The following ALMS1 variants were observed in gnomAD, a reference collection of about 807,000 sequenced individuals.
The protein encoded by ALMS1 is ALMS1 centrosome and basal body associated protein, also known as centrosome-associated protein ALMS1.
In ALMS1, 271 loss-of-function variants were observed where a neutral mutation model predicts 352.2. The observed-to-expected ratio is 0.77, with a 90% confidence interval of 0.70 to 0.85. ALMS1 has a LOEUF of 0.85. ALMS1 is among the 40% of genes least tolerant of loss of function. ALMS1 has a pLI of 0.00. For synonymous variants in ALMS1, 1,865 were observed against 1,761.2 expected (o/e 1.06, Z -1.48); for missense variants, 5,445 against 4,870.7 (o/e 1.12, Z -3.51).
intron 16 of ALMS1, among the ~76,000 whole-genome samples, chr2:73,583,973 T>C (rs1177808409): frequency 3.3e-5 from 5 of 152,192 alleles, no homozygotes; most frequent in Admixed American, 6.6e-5. Flanking sequence ...GGATTTCTTA[T>C]CATTTTTAAT....
Position 73,408,643 on chromosome 2 carries a change from G to T in ALMS1, c.346G>T (p.Val116Leu), listed in dbSNP as rs752342634. The change falls in exon 2 of 23, where the codon GTA becomes TTA. Residue 116 changes from valine to leucine, a missense_variant. Val to Leu is a conservative substitution (Grantham distance 32, BLOSUM62 1). Coordinates refer to ENST00000613296, the MANE Select transcript of ALMS1 (RefSeq NM_001378454.1). ...TCAGATTGTTCCATTGACCTGTCAT[G>T]TATGGCAACAGATAGTATATCAAGG... ...LEKIVPLTCHVWQQIVYQGNS... is the reference protein window; with the variant it reads ...LEKIVPLTCHLWQQIVYQGNS... The T allele has an allele frequency of 6.2e-7, 1 of 1,613,296 alleles. No individual in the cohort carries two copies. Among genetic ancestry groups the T allele is most frequent in the South Asian group, 1.1e-5 (1 of 91,074 alleles).
intron 16 of ALMS1, among the ~76,000 whole-genome samples, chr2:73,593,858 A>G (rs1208727926): frequency 1.3e-5 from 2 of 152,196 alleles, no homozygotes; most frequent in Non-Finnish European, 2.9e-5. Flanking sequence ...TTCGTGACTG[A>G]CTTCATTCAC....
rs748198673 is a variant in ALMS1, at chr2:73,422,165, T to C, written c.647-692T>C. Among the ~76,000 whole-genome samples the C allele has an allele frequency of 1.1e-3, 170 of 152,248 alleles. 1 individual carries two copies. Among genetic ancestry groups the C allele is most frequent in the Non-Finnish European group, 1.1e-3 (77 of 67,974 alleles). ...AAAAATAACTTTTCCAATACAAAAATGTTTAGAAGTATGGCCATGTTTTAC... is the reference window on the plus strand; with the variant it reads ...AAAAATAACTTTTCCAATACAAAAACGTTTAGAAGTATGGCCATGTTTTAC... On this transcript the variant is annotated intron_variant, in intron 3 of 22. Coordinates refer to ENST00000613296, the MANE Select transcript of ALMS1 (RefSeq NM_001378454.1).
chr2:73,431,540 A>G (rs778312397), intron 6 of ALMS1, among the ~76,000 whole-genome samples: 8 of 152,162 alleles, frequency 5.3e-5, no homozygotes, highest in Non-Finnish European at 8.8e-5. Flanking sequence ...ATTGGTTTCT[A>G]ATTTCTTTTC....
chr2:73,534,751 A>G, intron 11 of ALMS1, 73 bp from the exon 12 acceptor site: 1 of 1,515,414 alleles, frequency 6.6e-7, no homozygotes. Context: ...TGAAACATAG[A>G]AGGCATTCCA....
intron 11 of ALMS1, among the ~76,000 whole-genome samples, chr2:73,534,232 G>A (rs1347255881): frequency 6.6e-6 from 1 of 152,076 alleles, no homozygotes; most frequent in Non-Finnish European, 1.5e-5. Context: ...TTATCCTTGA[G>A]TGGTAGGACC....
chr2:73,566,643 G>C (rs1390915427), intron 15 of ALMS1, among the ~76,000 whole-genome samples: 1 of 152,208 alleles, frequency 6.6e-6, no homozygotes. Context: ...CCTAATGTGT[G>C]GGGTTTCCCC....
At chr2:73,568,810 C>T (rs776978756) in intron 15 of ALMS1, among the ~76,000 whole-genome samples, 3 of 151,680 alleles carry the variant, frequency 2.0e-5, no homozygotes, top group African/African-American at 4.8e-5. Flanking sequence ...TTTATATATT[C>T]GGGGAGAATT....
Position 73,599,462 on chromosome 2 carries a change from C to T in ALMS1, c.11609C>T (p.Ser3870Leu), listed in dbSNP as rs1236712645. ...TCTTCTGCCAGTAGTTTCCTGAGCT[C>T]AAACTCTACTTTTTGCAACAAGCAG... ...ISSSASSFLS[S>L]NSTFCNKQNV... is the part of the protein sequence containing the mutation. The change falls in exon 17 of 23, where the codon TCA becomes TTA. Residue 3870 changes from serine (S) to leucine (L), a missense_variant. By Grantham distance (145) the Ser-to-Leu change is moderately radical. Transcript: ENST00000613296. 6.2e-7 allele frequency: 1 copy of T among 1,613,476 alleles called. No homozygotes were observed. The highest frequency in any genetic ancestry group is 1.3e-5 in the African/African-American group (1 of 74,896).
At chr2:73,484,726 T>C (rs1235577481) in intron 9 of ALMS1, among the ~76,000 whole-genome samples, 4 of 152,178 alleles carry the variant, frequency 2.6e-5, no homozygotes, top group African/African-American at 9.7e-5. Context: ...CAGACGTAGA[T>C]TTGTTCTTTT....
intron 16 of ALMS1, among the ~76,000 whole-genome samples, chr2:73,584,305 AACATTTTACTT>A (rs1375611597): frequency 1.2e-4 from 18 of 152,224 alleles, no homozygotes; most frequent in Non-Finnish European, 1.5e-5. Flanking sequence ...CAAGAATTAG[AACATTTTACTT>A]ACATTTTATA....
At chr2:73,455,485 C>T (rs527598181) in intron 9 of ALMS1, among the ~76,000 whole-genome samples, 190 bp downstream of exon 9, 1 of 152,290 alleles carries the variant, frequency 6.6e-6, no homozygotes, top group African/African-American at 2.4e-5. Context: ...GTCACTGCAG[C>T]CCTGAACTCT....
In ALMS1 at chr2:73,490,569, A is replaced by G; in HGVS notation, c.8610A>G (p.Val2870=). Residue 2870 remains valine, a synonymous_variant, in exon 10 of 23, where the codon GTA becomes GTG. Transcript: ENST00000613296. The part of the protein sequence containing the change: ...SSRLGVKEKN[V]TITPDLPSCI... The stretch of plus-strand genomic sequence containing the variant: ...GACTAGGAGTAAAAGAGAAGAATGT[A>G]ACTATAACTCCAGATCTTCCTTCTT... 1.2e-6 allele frequency: 2 copies of G among 1,614,194 alleles called. No homozygotes were observed. The highest frequency in any genetic ancestry group is 1.7e-6 in the Non-Finnish European group (2 of 1,180,018).
intron 10 of ALMS1, among the ~76,000 whole-genome samples, chr2:73,513,939 G>T (rs151271995): frequency 2.2e-4 from 34 of 152,168 alleles, no homozygotes; most frequent in African/African-American, 7.2e-4. Context: ...ACAGATTCCC[G>T]CCTTGTTCTG....
At chr2:73,523,413 A>G (rs1391018542) in intron 11 of ALMS1, among the ~76,000 whole-genome samples, 1 of 152,176 alleles carries the variant, frequency 6.6e-6, no homozygotes, top group African/African-American at 2.4e-5. Flanking sequence ...TTCATTGCCA[A>G]AATGTCATCA....
At chr2:73,429,513 C>T (rs1671459506) in intron 6 of ALMS1, among the ~76,000 whole-genome samples, 1 of 152,102 alleles carries the variant, frequency 6.6e-6, no homozygotes, top group South Asian at 2.1e-4. Flanking sequence ...GAATTCCTGA[C>T]CTCAGGTGAT....
chr2:73,609,659 T>G lies in ALMS1; in HGVS notation c.*47T>G. 2 of 1,567,744 alleles carry G rather than the reference T, an allele frequency of 1.3e-6. No individual in the cohort carries two copies. The highest frequency in any genetic ancestry group is 1.8e-6 in the Non-Finnish European group (2 of 1,137,872). Reference sequence around the variant, plus strand: ...GCCTTGGAATTCTATTTTATGAACCTAGAGAAGCAGAATCCTTACTTTTGT... The same window carrying G: ...GCCTTGGAATTCTATTTTATGAACCGAGAGAAGCAGAATCCTTACTTTTGT... On this transcript the variant is annotated 3_prime_UTR_variant, in exon 23 of 23. Coordinates refer to ENST00000613296, the MANE Select transcript of ALMS1 (RefSeq NM_001378454.1).
chr2:73,401,404 A>G (rs1054414724), intron 1 of ALMS1, among the ~76,000 whole-genome samples: 7 of 152,114 alleles, frequency 4.6e-5, no homozygotes, highest in Non-Finnish European at 1.0e-4. Context: ...CTGCATCACA[A>G]ATTTTGATAA....
chr2:73,550,517 C>CT, intron 13 of ALMS1, 80 bp downstream of exon 13: 6 of 1,556,838 alleles, frequency 3.9e-6, no homozygotes, highest in Non-Finnish European at 5.3e-6. Flanking sequence ...AATCTTTATC[C>CT]TTTTTTTCTG....
Sources: allele counts gnomAD v4.1 joint callset (sites outside exome capture counted in the v4.1 genomes callset), GRCh38; gene constraint gnomAD v4.1.1; transcripts MANE v1.5; gene names NCBI Gene and HGNC (gene_info 2026-07-23, HGNC 2026-07-21).